NWD2: variants seen among roughly 807,000 people sequenced by gnomAD.
The protein encoded by NWD2 is NACHT and WD repeat domain-containing protein 2.
Under a neutral mutation model 132.7 loss-of-function variants are expected in NWD2, and 37 were observed. That is an observed-to-expected ratio of 0.28 (90% CI 0.21 to 0.37). NWD2 has a LOEUF of 0.37. Among genes scored for constraint, NWD2 ranks in the 10% least tolerant of loss-of-function variants. NWD2 has a pLI of 1.00. For synonymous variants in NWD2, 705 were observed against 803.0 expected (o/e 0.88, Z 2.06); for missense variants, 1,592 against 2,122.4 (o/e 0.75, Z 4.91).
chr4:37,411,399 TCCTGGACACATATAC>T (rs1331175199), intron 3 of NWD2, among the ~76,000 whole-genome samples: 1 of 152,182 alleles, frequency 6.6e-6, no homozygotes, highest in Non-Finnish European at 1.5e-5. Flanking sequence ...ATGGATAAAT[TCCTGGACACATATAC>T]CCTCCCAAGT....
chr4:37,314,622 C>T (rs1240749075), intron 1 of NWD2, among the ~76,000 whole-genome samples: 1 of 152,108 alleles, frequency 6.6e-6, no homozygotes, highest in East Asian at 1.9e-4. Context: ...AGTGATGGCT[C>T]CTGTTTCATT....
chr4:37,364,056 A>G (rs1005772030), intron 3 of NWD2, among the ~76,000 whole-genome samples: 5 of 151,910 alleles, frequency 3.3e-5, no homozygotes, highest in African/African-American at 1.2e-4. Flanking sequence ...TGCTTGAACC[A>G]GGATCCAGGA....
chr4:37,406,926 C>A (rs891941489), intron 3 of NWD2, among the ~76,000 whole-genome samples: 1 of 152,094 alleles, frequency 6.6e-6, no homozygotes, highest in African/African-American at 2.4e-5. Context: ...GAGTTCATGT[C>A]CTTTGTAGGG....
rs113784108 is a variant in NWD2 at position 37,353,565 on chromosome 4, C to G, written c.241-2801C>G. Among the ~76,000 whole-genome samples, 346 of 151,958 alleles carry G rather than the reference C, an allele frequency of 2.3e-3. 3 individuals carry two copies. The highest frequency in any genetic ancestry group is 8.1e-3 in the African/African-American group (335 of 41,474). ...TTTCTTTTCATTTTTTTTCTCTAATCTTGTCTTCATGCTTTATTTCATTAA... is the reference window on the plus strand; with the variant it reads ...TTTCTTTTCATTTTTTTTCTCTAATGTTGTCTTCATGCTTTATTTCATTAA... On this transcript the variant is annotated intron_variant, in intron 2 of 6. Coordinates refer to ENST00000309447, the MANE Select transcript of NWD2 (RefSeq NM_001144990.2).
At chr4:37,416,791 T>C (rs932455078) in intron 3 of NWD2, among the ~76,000 whole-genome samples, 3 of 152,194 alleles carry the variant, frequency 2.0e-5, no homozygotes, top group Admixed American at 2.0e-4. Flanking sequence ...GAAATAATGG[T>C]ATTTGCAGCA....
intron 3 of NWD2, among the ~76,000 whole-genome samples, chr4:37,428,170 C>T (rs140485271): frequency 0.018 from 2,747 of 152,316 alleles, 33 homozygotes; most frequent in Middle Eastern, 0.051. Flanking sequence ...TTCTCTTAAT[C>T]TTTCAGCTGC....
intron 3 of NWD2, among the ~76,000 whole-genome samples, chr4:37,406,155 A>G (rs910353171): frequency 6.6e-6 from 1 of 152,250 alleles, no homozygotes; most frequent in Non-Finnish European, 1.5e-5. Flanking sequence ...CAGCAACTGC[A>G]AAACAAAACG....
chr4:37,293,722 T>C (rs1718414504), intron 1 of NWD2, among the ~76,000 whole-genome samples: 1 of 152,192 alleles, frequency 6.6e-6, no homozygotes, highest in Admixed American at 6.5e-5. Flanking sequence ...AAGGAAGTTA[T>C]ACGAAGAAGG....
chr4:37,252,265 C>T (rs1057476437), intron 1 of NWD2, among the ~76,000 whole-genome samples: 59 of 152,110 alleles, frequency 3.9e-4, no homozygotes, highest in African/African-American at 1.4e-3. Context: ...TTATTGTTTG[C>T]TCTTGAAGGT....
chr4:37,396,432 G>A (rs2109313775), intron 3 of NWD2, among the ~76,000 whole-genome samples: 1 of 152,304 alleles, frequency 6.6e-6, no homozygotes, highest in Non-Finnish European at 1.5e-5. Flanking sequence ...ATCTCTGGAA[G>A]CACAGGCTAC....
intron 1 of NWD2, among the ~76,000 whole-genome samples, chr4:37,311,235 T>C (rs1165540206): frequency 6.6e-6 from 1 of 152,210 alleles, no homozygotes; most frequent in Non-Finnish European, 1.5e-5. Flanking sequence ...GTTGAACTAG[T>C]TTACAGTCCC....
chr4:37,359,950 T>G (rs1203717237), intron 3 of NWD2, among the ~76,000 whole-genome samples: 1 of 152,138 alleles, frequency 6.6e-6, no homozygotes. Context: ...TGGGAAACAT[T>G]GTAAAGCATA....
At chr4:37,258,510 A>G (rs1377067356) in intron 1 of NWD2, among the ~76,000 whole-genome samples, 4 of 152,240 alleles carry the variant, frequency 2.6e-5, no homozygotes, top group African/African-American at 7.2e-5. Flanking sequence ...TGTTAATTCA[A>G]GCTTGCAGAT....
chr4:37,429,229 T>C (rs987005256), intron 3 of NWD2, among the ~76,000 whole-genome samples: 1 of 152,250 alleles, frequency 6.6e-6, no homozygotes, highest in African/African-American at 2.4e-5. Flanking sequence ...TATGTTTGTG[T>C]ATACATATAT....
At chr4:37,349,171 G>A (rs1228269076) in intron 2 of NWD2, among the ~76,000 whole-genome samples, 1 of 152,118 alleles carries the variant, frequency 6.6e-6, no homozygotes, top group African/African-American at 2.4e-5. Context: ...ACAGTAGAAT[G>A]ATTTATAATC....
chr4:37,408,291 C>T (rs939462109), intron 3 of NWD2, among the ~76,000 whole-genome samples: 1 of 152,172 alleles, frequency 6.6e-6, no homozygotes, highest in Non-Finnish European at 1.5e-5. Context: ...TTGAAATTCT[C>T]GCTGCCAGCA....
At chr4:37,303,104 A>G (rs1285075429) in intron 1 of NWD2, among the ~76,000 whole-genome samples, 2 of 152,070 alleles carry the variant, frequency 1.3e-5, no homozygotes, top group Non-Finnish European at 2.9e-5. Flanking sequence ...ATTTTAATCT[A>G]TCTTGAGTTG....
At chr4:37,333,450 A>G (rs955189742) in intron 2 of NWD2, among the ~76,000 whole-genome samples, 3 of 152,344 alleles carry the variant, frequency 2.0e-5, no homozygotes, top group African/African-American at 4.8e-5. Context: ...CTGGTAATCC[A>G]GAGAATTCTT....
intron 3 of NWD2, among the ~76,000 whole-genome samples, chr4:37,396,087 T>C (rs546587314): frequency 5.1e-4 from 77 of 152,338 alleles, no homozygotes; most frequent in African/African-American, 1.7e-3. Flanking sequence ...TTCAGTATGC[T>C]GGTTGTACAA....
Sources: gnomAD v4.1 joint callset for allele counts (sites outside exome capture counted in the v4.1 genomes callset) on GRCh38, gnomAD v4.1.1 for gene constraint, MANE v1.5 for transcripts, NCBI Gene and HGNC (gene_info 2026-07-23, HGNC 2026-07-21) for gene names.